Variants in RAB40C observed in about 807,000 individuals in gnomAD.
The protein encoded by RAB40C is ras-related protein Rab-40C.
In RAB40C, 8 loss-of-function variants were observed where a neutral mutation model predicts 28.1. That is an observed-to-expected ratio of 0.28 (90% CI 0.17 to 0.51). The LOEUF is 0.51. RAB40C is among the 20% of genes least tolerant of loss of function. The probability of loss-of-function intolerance (pLI) is 0.97; values close to 1 mark genes in which losing one functional copy is unlikely to be tolerated. For missense variants in RAB40C, 288 were observed against 405.9 expected, an observed-to-expected ratio of 0.71 and a Z score of 2.50; for synonymous variants, 201 against 171.7, an observed-to-expected ratio of 1.17 and a Z score of -1.34.
At chr16:591,984 A>C (rs2036009511) in intron 1 of RAB40C, among the ~76,000 whole-genome samples, 1 of 151,956 alleles carries the variant, frequency 6.6e-6, no homozygotes, top group Admixed American at 6.6e-5. Flanking sequence ...CATGCCTCTT[A>C]ATTTAGGTGG....
chr16:617,173 G>T (rs1362161489), intron 1 of RAB40C, 35 bp from the exon 2 acceptor site: 1 of 1,611,026 alleles, frequency 6.2e-7, no homozygotes, highest in Non-Finnish European at 8.5e-7. Context: ...CTCCAGGAGT[G>T]GCGCGTCCCC....
At chr16:618,310 G>C (rs372760746) in intron 3 of RAB40C, 50 bp downstream of exon 3, 6 of 1,523,916 alleles carry the variant, frequency 3.9e-6, no homozygotes, top group Non-Finnish European at 5.4e-6. Context: ...TGTTTCTCCT[G>C]ATTCTTTCTG....
chr16:624,774 C>T (rs961045632), intron 3 of RAB40C: 44 of 985,416 alleles, frequency 4.5e-5, no homozygotes, highest in African/African-American at 2.1e-4. Context: ...GTCACCGTTT[C>T]GCCCGACAGG....
At chr16:626,567 T>C (rs1320431034) in intron 5 of RAB40C, among the ~76,000 whole-genome samples, 1 of 152,138 alleles carries the variant, frequency 6.6e-6, no homozygotes, top group East Asian at 1.9e-4. Flanking sequence ...GGTGGTACTG[T>C]TGATTTTGTG....
chr16:622,920 G>A (rs1163072491), intron 3 of RAB40C, among the ~76,000 whole-genome samples: 2 of 152,184 alleles, frequency 1.3e-5, no homozygotes, highest in East Asian at 1.9e-4. Context: ...TTAGGGTGCC[G>A]TTCGTTAGGC....
In RAB40C at chr16:590,151, C is replaced by G. The variant is rs2035958050; in HGVS notation, c.-141C>G. On this transcript the variant is annotated 5_prime_UTR_variant, in exon 1 of 6. Coordinates refer to ENST00000248139, the MANE Select transcript of RAB40C (RefSeq NM_021168.5). Reference sequence around the variant, plus strand: ...CCGGGCGCGGGCGGGGCGGGGCCGGCGCTGGGCTTCGGGCGCGCCCACTCG... The same window carrying G: ...CCGGGCGCGGGCGGGGCGGGGCCGGGGCTGGGCTTCGGGCGCGCCCACTCG... 2 of 415,014 alleles carry G rather than the reference C, an allele frequency of 4.8e-6. No individual in the cohort carries two copies. Among genetic ancestry groups the G allele is most frequent in the East Asian group, 1.6e-4 (1 of 6,128 alleles). The allele number at this position is 415,014 out of a possible 1,614,324, so 25.7% of individuals were successfully genotyped here.
chr16:598,388 A>C (rs1224112840), intron 1 of RAB40C, among the ~76,000 whole-genome samples: 1 of 150,966 alleles, frequency 6.6e-6, no homozygotes, highest in Non-Finnish European at 1.5e-5. Context: ...AAAAAAAAAA[A>C]AAATACAAAT....
chr16:590,327 C>T lies in RAB40C; in HGVS notation c.36C>T (p.Asp12=), dbSNP rs2035962980. Residue 12 remains aspartate, a synonymous_variant, in exon 1 of 6, where the codon GAC becomes GAT. Coordinates refer to ENST00000248139, the MANE Select transcript of RAB40C (RefSeq NM_021168.5). The stretch of plus-strand genomic sequence containing the variant: ...AGGGCAGTCCGGTGAAGAGCTACGA[C>T]TACCTGCTCAAGTTCCTGCTGGTGG... The part of the protein sequence containing the change: ...GSQGSPVKSY[D]YLLKFLLVGD... 4.4e-6 allele frequency: 7 copies of T among 1,591,996 alleles called. No homozygotes were observed. The highest frequency in any genetic ancestry group is 4.2e-5 in the African/African-American group (3 of 72,054).
Position 613,992 on chromosome 16 carries a change from G to T in RAB40C, c.143-3216G>T, listed in dbSNP as rs1018054536. Among the ~76,000 whole-genome samples the T allele has an allele frequency of 4.6e-5, 7 of 152,330 alleles. No individual in the cohort carries two copies. In the East Asian group the frequency reaches 1.3e-3, roughly 29 times the overall value. On this transcript the variant is annotated intron_variant, in intron 1 of 5. Coordinates refer to ENST00000248139, the MANE Select transcript of RAB40C (RefSeq NM_021168.5). ...CAGATGCTTCCAAAATGTCTGCAAGGCTGCGGCCTCTACTGCATCCAGATG... is the reference window on the plus strand; with the variant it reads ...CAGATGCTTCCAAAATGTCTGCAAGTCTGCGGCCTCTACTGCATCCAGATG...
At chr16:599,025 C>T (rs1304622265) in intron 1 of RAB40C, among the ~76,000 whole-genome samples, 2 of 152,190 alleles carry the variant, frequency 1.3e-5, no homozygotes, top group Non-Finnish European at 2.9e-5. Flanking sequence ...CTGGGCACAG[C>T]AGGTACAGCC....
At chr16:609,235 A>T (rs1462229897) in intron 1 of RAB40C, among the ~76,000 whole-genome samples, 1 of 152,152 alleles carries the variant, frequency 6.6e-6, no homozygotes, top group Non-Finnish European at 1.5e-5. Context: ...TGTGAGGGGA[A>T]GGGGAGGTCA....
Position 626,081 on chromosome 16 carries a change from C to G in RAB40C, c.525C>G (p.Leu175=), listed in dbSNP as rs376751567. 6.2e-7 allele frequency: 1 copy of G among 1,613,276 alleles called. No homozygotes were observed. Among genetic ancestry groups the G allele is most frequent in the Middle Eastern group, 1.6e-4 (1 of 6,062 alleles). ...ESFTELSRIV[L]MRHGMEKIWR... ...TCACGGAGCTATCCCGCATCGTGCT[C>G]ATGCGGCACGGCATGGAGAAGATCT... Residue 175 remains leucine, a synonymous_variant, in exon 5 of 6, where the codon CTC becomes CTG. Transcript: ENST00000248139.
At position 590,182 on chromosome 16, in the gene RAB40C, C is replaced by A. The variant is rs1222743017; in HGVS notation, c.-110C>A. 2 of 817,198 alleles carry A rather than the reference C, an allele frequency of 2.4e-6. No homozygotes were observed. The highest frequency in any genetic ancestry group is 1.0e-4 in the East Asian group (1 of 9,538). The allele number at this position is 817,198 out of a possible 1,614,324, so 50.6% of individuals were successfully genotyped here. Reference sequence around the variant, plus strand: ...GCTTCGGGCGCGCCCACTCGGCCGCCGTGGGGCGGACGCAACGGGCGCAGG... The same window carrying A: ...GCTTCGGGCGCGCCCACTCGGCCGCAGTGGGGCGGACGCAACGGGCGCAGG... On this transcript the variant is annotated 5_prime_UTR_variant, in exon 1 of 6. Transcript: ENST00000248139.
At position 618,203 on chromosome 16, in the gene RAB40C, C is replaced by G. The variant is rs1231223854; in HGVS notation, c.207C>G (p.Asp69Glu). 6.2e-7 allele frequency: 1 copy of G among 1,613,426 alleles called. No individual in the cohort carries two copies. The highest frequency in any genetic ancestry group is 8.5e-7 in the Non-Finnish European group (1 of 1,179,846). The change falls in exon 3 of 6, where the codon GAC becomes GAG. Residue 69 changes from aspartate (D) to glutamate (E), a missense_variant. Coordinates refer to ENST00000248139, the MANE Select transcript of RAB40C (RefSeq NM_021168.5). The stretch of plus-strand genomic sequence containing the variant: ...CTCCCCTCCCCGTATGTTTCAGGGA[C>G]ACGTCGGGCCAGGGCCGGTTCTGCA... ...DGRRVKLELWDTSGQGRFCTI... is the reference protein window; with the variant it reads ...DGRRVKLELWETSGQGRFCTI...
chr16:611,060 G>A (rs1001670623), intron 1 of RAB40C, among the ~76,000 whole-genome samples: 7 of 152,166 alleles, frequency 4.6e-5, no homozygotes, highest in Admixed American at 2.0e-4. Context: ...GTTCTGACGC[G>A]CACCGTGGGC....
At chr16:617,799 C>T (rs143345732) in intron 2 of RAB40C, among the ~76,000 whole-genome samples, 3,981 of 152,128 alleles carry the variant, frequency 0.026, 90 homozygotes, top group African/African-American at 0.066. Context: ...GCTGAGATTG[C>T]ACCACTGCAC....
chr16:598,673 T>C (rs1346952400), intron 1 of RAB40C, among the ~76,000 whole-genome samples: 2 of 148,962 alleles, frequency 1.3e-5, no homozygotes, highest in African/African-American at 5.0e-5. Context: ...GCCTGGGAGG[T>C]GGTGGCTGCA....
At chr16:592,229 G>A (rs189939891) in intron 1 of RAB40C, among the ~76,000 whole-genome samples, 2 of 152,210 alleles carry the variant, frequency 1.3e-5, no homozygotes, top group Non-Finnish European at 2.9e-5. Context: ...TGCCCTGAGC[G>A]TCTGCTATTT....
chr16:624,496 C>T (rs980827823), intron 3 of RAB40C: 3 of 985,366 alleles, frequency 3.0e-6, no homozygotes, highest in East Asian at 2.3e-4. Flanking sequence ...TAATGTCAAC[C>T]TTGTTCTAAA....
Sources: allele counts gnomAD v4.1 joint callset (sites outside exome capture counted in the v4.1 genomes callset), GRCh38; gene constraint gnomAD v4.1.1; transcripts MANE v1.5; gene names NCBI Gene and HGNC (gene_info 2026-07-23, HGNC 2026-07-21).